Variants in TBC1D5 observed in about 807,000 individuals in gnomAD.
The protein encoded by TBC1D5 is TBC1 domain family, member 5.
In TBC1D5, 75 loss-of-function variants were observed where a neutral mutation model predicts 100.3. The ratio of observed to expected loss-of-function variants is 0.75; its 90% confidence interval spans 0.62 to 0.91. The LOEUF is 0.91. Among genes scored for constraint, TBC1D5 ranks in the 40% least tolerant of loss-of-function variants. The pLI, the probability that TBC1D5 is intolerant of heterozygous loss-of-function variation, is 0.00. For missense variants in TBC1D5, 910 were observed against 942.4 expected (o/e 0.97, Z 0.45); for synonymous variants, 323 against 325.6 (o/e 0.99, Z 0.09).
intron 1 of TBC1D5, among the ~76,000 whole-genome samples, chr3:17,660,165 A>G (rs1250913356): frequency 1.3e-5 from 2 of 152,190 alleles, no homozygotes; most frequent in African/African-American, 4.8e-5. Context: ...TTTCCCCAAC[A>G]TGATTTTCAT....
chr3:17,210,531 GGT>G (rs1387716325), intron 18 of TBC1D5, among the ~76,000 whole-genome samples: 1 of 152,082 alleles, frequency 6.6e-6, no homozygotes, highest in Non-Finnish European at 1.5e-5. Context: ...TCTTGCTTTT[GGT>G]GTTGCTACTG....
chr3:17,637,232 C>T (rs1160749343), intron 1 of TBC1D5, among the ~76,000 whole-genome samples: 22 of 116,148 alleles, frequency 1.9e-4, no homozygotes, highest in African/African-American at 6.1e-4. Flanking sequence ...TTAGTAGAGA[C>T]GGGGTTTCAC....
chr3:17,488,789 G>T (rs922954226), intron 3 of TBC1D5, among the ~76,000 whole-genome samples: 1 of 151,988 alleles, frequency 6.6e-6, no homozygotes, highest in African/African-American at 2.4e-5. Context: ...TCTGTGGCCT[G>T]TTAGGAACCA....
intron 17 of TBC1D5, among the ~76,000 whole-genome samples, chr3:17,226,840 G>T (rs574904227): frequency 7.9e-5 from 12 of 152,158 alleles, no homozygotes; most frequent in African/African-American, 2.9e-4. Context: ...AATTATTTTA[G>T]ATTGTAAGAC....
At chr3:17,546,795 AAAAG>A (rs528872276) in intron 2 of TBC1D5, among the ~76,000 whole-genome samples, 58 of 151,996 alleles carry the variant, frequency 3.8e-4, no homozygotes, top group Middle Eastern at 3.4e-3. Context: ...AAAAAAAAAA[AAAAG>A]AAAGAAAGAA....
At chr3:17,574,503 A>C (rs2096645804) in intron 2 of TBC1D5, among the ~76,000 whole-genome samples, 1 of 152,106 alleles carries the variant, frequency 6.6e-6, no homozygotes, top group Non-Finnish European at 1.5e-5. Flanking sequence ...CTGTTAGCAC[A>C]GTGGAGTCTG....
chr3:17,296,337 G>C (rs192344587), intron 14 of TBC1D5, among the ~76,000 whole-genome samples: 1 of 152,192 alleles, frequency 6.6e-6, no homozygotes, highest in Non-Finnish European at 1.5e-5. Flanking sequence ...ACCTGGCATA[G>C]AGAAAACATT....
chr3:17,689,164 C>T (rs139009342), intron 1 of TBC1D5, among the ~76,000 whole-genome samples: 197 of 152,226 alleles, frequency 1.3e-3, no homozygotes, highest in Admixed American at 2.0e-3. Flanking sequence ...AAGCTACTAA[C>T]AAGTGCATGG....
intron 2 of TBC1D5, among the ~76,000 whole-genome samples, chr3:17,577,966 A>C (rs1357355911): frequency 1.3e-5 from 2 of 152,026 alleles, no homozygotes; most frequent in Non-Finnish European, 2.9e-5. Context: ...TGCCACAATC[A>C]CTAAAAATGC....
At chr3:17,289,866 C>A (rs2150118563) in intron 15 of TBC1D5, among the ~76,000 whole-genome samples, 1 of 152,324 alleles carries the variant, frequency 6.6e-6, no homozygotes, top group Non-Finnish European at 1.5e-5. Flanking sequence ...CCCATATTAA[C>A]ACACGTGTCA....
intron 1 of TBC1D5, among the ~76,000 whole-genome samples, chr3:17,633,208 G>A (rs924653491): frequency 6.6e-6 from 1 of 152,090 alleles, no homozygotes; most frequent in Non-Finnish European, 1.5e-5. Context: ...AGGCCGAGGC[G>A]AGTGGATCAC....
intron 3 of TBC1D5, among the ~76,000 whole-genome samples, chr3:17,469,001 T>G (rs1362752521): frequency 6.6e-6 from 1 of 152,152 alleles, no homozygotes; most frequent in African/African-American, 2.4e-5. Flanking sequence ...AGAAGGGAAT[T>G]AATATTTCCC....
intron 15 of TBC1D5, among the ~76,000 whole-genome samples, chr3:17,286,351 C>T (rs1049150633): frequency 2.0e-5 from 3 of 152,186 alleles, no homozygotes; most frequent in Admixed American, 2.0e-4. Flanking sequence ...ACACAATATG[C>T]TCACATTTTC....
intron 13 of TBC1D5, among the ~76,000 whole-genome samples, chr3:17,335,077 A>G (rs1025502437): frequency 6.6e-6 from 1 of 152,170 alleles, no homozygotes; most frequent in Admixed American, 6.6e-5. Context: ...AAAGGTAAGA[A>G]AAGCAATTAC....
intron 3 of TBC1D5, among the ~76,000 whole-genome samples, chr3:17,443,373 G>A (rs578253178): frequency 1.3e-5 from 2 of 152,264 alleles, no homozygotes; most frequent in African/African-American, 2.4e-5. Context: ...ACAATACCAC[G>A]TGCTGGATAC....
chr3:17,712,255 T>C (rs967285279), intron 1 of TBC1D5, among the ~76,000 whole-genome samples: 3 of 152,176 alleles, frequency 2.0e-5, no homozygotes, highest in Non-Finnish European at 4.4e-5. Context: ...AAGTGACAAC[T>C]TTTATTAAAA....
intron 13 of TBC1D5, among the ~76,000 whole-genome samples, chr3:17,330,478 TTC>T (rs2086730650): frequency 1.3e-5 from 2 of 152,092 alleles, no homozygotes; most frequent in African/African-American, 4.8e-5. Flanking sequence ...ATTTCAATTT[TTC>T]TCTGATAGCC....
In TBC1D5 at chr3:17,174,814, G is replaced by A. The variant is rs1194105432; in HGVS notation, c.1853-6986C>T. ...TCACCATGTTGGTCAGGCTGGTCTC[G>A]AACTCCTGACCTTGTGATCCGCCCG... On this transcript the variant is annotated intron_variant, in intron 19 of 21. Coordinates refer to ENST00000253692, the Ensembl canonical transcript of TBC1D5. 8.6e-5 allele frequency among the ~76,000 whole-genome samples: 13 copies of A among 152,030 alleles called. 1 individual carries two copies. The highest frequency in any genetic ancestry group is 2.9e-4 in the African/African-American group (12 of 41,382).
At chr3:17,172,668 T>TC (rs1444988462) in intron 19 of TBC1D5, among the ~76,000 whole-genome samples, 1 of 152,140 alleles carries the variant, frequency 6.6e-6, no homozygotes, top group Non-Finnish European at 1.5e-5. Context: ...CACCTAACAA[T>TC]CCCATGGTGA....
Sources: allele counts gnomAD v4.1 joint callset (sites outside exome capture counted in the v4.1 genomes callset), GRCh38; gene constraint gnomAD v4.1.1; transcripts MANE v1.5; gene names NCBI Gene and HGNC (gene_info 2026-07-23, HGNC 2026-07-21).